GLT1D1: variants seen among roughly 807,000 people sequenced by gnomAD.
GLT1D1 encodes glycosyltransferase 1 domain-containing protein 1.
GLT1D1 carries 21 observed loss-of-function variants against 28.7 expected under a neutral mutation model. That is an observed-to-expected ratio of 0.73 (90% CI 0.52 to 1.05). The LOEUF is 1.05. Among genes scored for constraint, GLT1D1 ranks in the 50% least tolerant of loss-of-function variants. The probability of loss-of-function intolerance (pLI) is 0.00; values close to 1 mark genes in which losing one functional copy is unlikely to be tolerated. For missense variants in GLT1D1, 343 were observed against 330.6 expected (o/e 1.04, Z -0.29); for synonymous variants, 147 against 124.8 (o/e 1.18, Z -1.19).
At chr12:128,933,571 C>A (rs1397394168) in intron 4 of GLT1D1, among the ~76,000 whole-genome samples, 1 of 152,114 alleles carries the variant, frequency 6.6e-6, no homozygotes, top group Admixed American at 6.6e-5. Flanking sequence ...TTGGGTGACC[C>A]CGGATGGAGG....
chr12:128,974,164 T>C (rs1386214130), intron 7 of GLT1D1, among the ~76,000 whole-genome samples: 1 of 152,116 alleles, frequency 6.6e-6, no homozygotes, highest in East Asian at 1.9e-4. Flanking sequence ...TTTTCTGCAA[T>C]TTCAAAATCC....
intron 3 of GLT1D1, among the ~76,000 whole-genome samples, chr12:128,892,103 G>C (rs1180610116): frequency 1.3e-5 from 2 of 152,176 alleles, no homozygotes; most frequent in African/African-American, 4.8e-5. Flanking sequence ...TTGCATTTCT[G>C]ATTGGCCTTT....
intron 4 of GLT1D1, chr12:128,906,780 C>T: frequency 1.0e-4 from 34 of 332,240 alleles, no homozygotes; most frequent in South Asian, 1.7e-4. Flanking sequence ...CCTAATTTAT[C>T]TACTTTGCCT....
intron 7 of GLT1D1, among the ~76,000 whole-genome samples, chr12:128,969,115 GTC>G (rs1191025589): frequency 8.0e-6 from 1 of 124,706 alleles, no homozygotes; most frequent in Non-Finnish European, 1.6e-5. Flanking sequence ...GTCTCTCTCT[GTC>G]TCTGTTTCTG....
In GLT1D1 at chr12:128,927,160, T is replaced by C. The variant is rs904481591; in HGVS notation, c.376-18166T>C. The C allele has an allele frequency of 6.5e-6, 10 of 1,530,832 alleles. No homozygotes were observed. The highest frequency in any genetic ancestry group is 5.9e-5 in the Admixed American group (3 of 50,970). 94.8% of individuals were successfully genotyped at this position (1,530,832 alleles called of 1,614,324 possible). On this transcript the variant is annotated intron_variant, in intron 4 of 7. Coordinates refer to ENST00000281703, the MANE Select transcript of GLT1D1 (RefSeq NM_144669.3). ...TGGTGATTGTGGGTCCTGAAGTAAG[T>C]TGATGTGCAGTAAACACTTATCTCA...
chr12:128,968,946 C>T (rs986760543), intron 7 of GLT1D1, among the ~76,000 whole-genome samples: 4 of 152,108 alleles, frequency 2.6e-5, no homozygotes, highest in African/African-American at 7.2e-5. Context: ...CCTCCTCACT[C>T]GGCCCCGTCT....
intron 1 of GLT1D1, among the ~76,000 whole-genome samples, chr12:128,856,015 G>C (rs1157691940): frequency 1.3e-5 from 2 of 152,128 alleles, no homozygotes; most frequent in Non-Finnish European, 2.9e-5. Flanking sequence ...GCCTCCCAAA[G>C]TGCTAGGATT....
chr12:128,960,782 T>C (rs1226173432), intron 7 of GLT1D1, among the ~76,000 whole-genome samples: 2 of 151,660 alleles, frequency 1.3e-5, no homozygotes, highest in Admixed American at 6.6e-5. Context: ...AAATTAAATA[T>C]ATATTTCAAT....
At chr12:128,879,818 G>A (rs918571129) in intron 2 of GLT1D1, among the ~76,000 whole-genome samples, 1 of 152,180 alleles carries the variant, frequency 6.6e-6, no homozygotes, top group Admixed American at 6.5e-5. Context: ...ATTCCCACAA[G>A]TGGGATTAGG....
At chr12:128,917,167 A>C (rs892300756) in intron 4 of GLT1D1, among the ~76,000 whole-genome samples, 1 of 152,170 alleles carries the variant, frequency 6.6e-6, no homozygotes, top group Non-Finnish European at 1.5e-5. Context: ...GTGGCCTTCC[A>C]TTATCTATGC....
intron 4 of GLT1D1, among the ~76,000 whole-genome samples, chr12:128,926,113 C>T (rs1219885749): frequency 1.3e-5 from 2 of 151,448 alleles, no homozygotes; most frequent in African/African-American, 4.9e-5. Context: ...TTGCTTGAAC[C>T]CAGGAGGAGG....
intron 7 of GLT1D1, among the ~76,000 whole-genome samples, chr12:128,973,661 G>A (rs575609145): frequency 6.6e-6 from 1 of 151,814 alleles, no homozygotes; most frequent in South Asian, 2.1e-4. Context: ...TCCCTTTTCT[G>A]CCTCTCACCT....
intron 4 of GLT1D1, among the ~76,000 whole-genome samples, chr12:128,906,166 A>G (rs1433271734): frequency 2.0e-5 from 3 of 152,196 alleles, no homozygotes; most frequent in African/African-American, 7.2e-5. Context: ...TATTGATTTG[A>G]CATTTTCAAG....
intron 4 of GLT1D1, among the ~76,000 whole-genome samples, chr12:128,935,639 A>G (rs1012135316): frequency 2.0e-5 from 3 of 151,488 alleles, no homozygotes; most frequent in Non-Finnish European, 2.9e-5. Context: ...TTGTTTATGT[A>G]TTTATTTGTA....
chr12:128,853,480 A>T lies in GLT1D1; in HGVS notation c.-102A>T. 2.2e-6 allele frequency: 2 copies of T among 910,984 alleles called. No individual in the cohort carries two copies. Among genetic ancestry groups the T allele is most frequent in the Non-Finnish European group, 2.6e-6 (2 of 759,148 alleles). The allele number at this position is 910,984 out of a possible 1,614,324, so 56.4% of individuals were successfully genotyped here. On this transcript the variant is annotated 5_prime_UTR_variant, in exon 1 of 8. Coordinates refer to ENST00000281703, the MANE Select transcript of GLT1D1 (RefSeq NM_144669.3). ...GGCCTCGGGGAGGGGCGGGCGGGAC[A>T]GACCCAGCCGCCCCGGCTCCCCCGC...
At chr12:128,966,974 G>A (rs949173746) in intron 7 of GLT1D1, among the ~76,000 whole-genome samples, 1 of 152,146 alleles carries the variant, frequency 6.6e-6, no homozygotes, top group Non-Finnish European at 1.5e-5. Context: ...AAGTAGAAAA[G>A]GGTTGAGCTA....
intron 6 of GLT1D1, among the ~76,000 whole-genome samples, chr12:128,954,824 T>C (rs186777724): frequency 3.3e-5 from 5 of 152,142 alleles, no homozygotes; most frequent in African/African-American, 1.2e-4. Flanking sequence ...GATGGTGGCA[T>C]GTGCCTGTAG....
At chr12:128,934,560 C>A (rs1476735526) in intron 4 of GLT1D1, among the ~76,000 whole-genome samples, 1 of 152,130 alleles carries the variant, frequency 6.6e-6, no homozygotes, top group East Asian at 1.9e-4. Context: ...GTCCATTTCT[C>A]TCCTTGAAGC....
At chr12:128,937,804 G>A (rs1273894630) in intron 4 of GLT1D1, among the ~76,000 whole-genome samples, 1 of 152,138 alleles carries the variant, frequency 6.6e-6, no homozygotes, top group Non-Finnish European at 1.5e-5. Flanking sequence ...GCTGCCATGT[G>A]AAGAAAGACG....
Sources: gnomAD v4.1 joint callset for allele counts (sites outside exome capture counted in the v4.1 genomes callset) on GRCh38, gnomAD v4.1.1 for gene constraint, MANE v1.5 for transcripts, NCBI Gene and HGNC (gene_info 2026-07-23, HGNC 2026-07-21) for gene names.